Variants in THSD4 observed in about 807,000 individuals in gnomAD.
THSD4 encodes the protein thrombospondin type-1 domain-containing protein 4.
THSD4 carries 69 observed loss-of-function variants against 119.0 expected under a neutral mutation model. That is an observed-to-expected ratio of 0.58 (90% CI 0.48 to 0.71). The LOEUF is 0.71. Ranked by LOEUF, THSD4 falls within the 30% of genes least tolerant of loss-of-function variation. The pLI is 0.00. For missense variants in THSD4, 1,393 were observed against 1,391.1 expected (o/e 1.00, Z -0.02); for synonymous variants, 524 against 540.4 (o/e 0.97, Z 0.42).
chr15:71,105,179 G>A (rs1465201366), intron 1 of THSD4, among the ~76,000 whole-genome samples: 2 of 152,154 alleles, frequency 1.3e-5, no homozygotes, highest in African/African-American at 4.8e-5. Flanking sequence ...CTCTACTTCA[G>A]ATGTCAATCA....
In THSD4 at chr15:71,269,560, C is replaced by T. The variant is rs28870482; in HGVS notation, c.1015+12845C>T. On this transcript the variant is annotated intron_variant, in intron 6 of 17. Transcript: ENST00000261862. ...AGCACAAGACAAGAATGCCCTCTCT[C>T]ACCACTCCTGTTTAACATAGTACTG... Among the ~76,000 whole-genome samples, 1,354 of 152,306 alleles carry T rather than the reference C, an allele frequency of 8.9e-3. 23 individuals carry two copies. The highest frequency in any genetic ancestry group is 0.03 in the African/African-American group (1,240 of 41,556).
At chr15:71,434,477 T>C in intron 7 of THSD4, among the ~76,000 whole-genome samples, 1 of 125,222 alleles carries the variant, frequency 8.0e-6, no homozygotes, top group African/African-American at 3.0e-5. Flanking sequence ...TCTGAAGGGG[T>C]TTAAGGATTG....
chr15:71,630,240 G>A (rs2050598698), intron 7 of THSD4, among the ~76,000 whole-genome samples: 1 of 152,114 alleles, frequency 6.6e-6, no homozygotes, highest in South Asian at 2.1e-4. Flanking sequence ...TAGGCAAATG[G>A]ATGACCACAT....
At chr15:71,484,372 T>G (rs1031937803) in intron 7 of THSD4, among the ~76,000 whole-genome samples, 1 of 152,220 alleles carries the variant, frequency 6.6e-6, no homozygotes, top group Non-Finnish European at 1.5e-5. Flanking sequence ...GGGTCTCTTC[T>G]TACATTGTTT....
intron 2 of THSD4, among the ~76,000 whole-genome samples, chr15:71,145,500 T>G (rs1272316544): frequency 6.6e-6 from 1 of 152,174 alleles, no homozygotes; most frequent in Non-Finnish European, 1.5e-5. Context: ...TGATGCATAC[T>G]TCAGTAAAGT....
chr15:71,190,981 G>T (rs1339056705), intron 3 of THSD4, among the ~76,000 whole-genome samples: 4 of 152,042 alleles, frequency 2.6e-5, no homozygotes, highest in African/African-American at 9.7e-5. Flanking sequence ...TGCTCTTTGT[G>T]GAAGTCACCA....
At chr15:71,392,472 A>G (rs947626797) in intron 6 of THSD4, among the ~76,000 whole-genome samples, 9 of 152,244 alleles carry the variant, frequency 5.9e-5, no homozygotes, top group African/African-American at 2.2e-4. Context: ...ACTCAGATTC[A>G]AACCCAGGTA....
At chr15:71,564,013 T>C (rs2049176587) in intron 7 of THSD4, among the ~76,000 whole-genome samples, 1 of 152,232 alleles carries the variant, frequency 6.6e-6, no homozygotes, top group African/African-American at 2.4e-5. Flanking sequence ...TTTCTTCATT[T>C]TACTTTTGTA....
intron 7 of THSD4, among the ~76,000 whole-genome samples, chr15:71,604,119 G>C (rs372515007): frequency 1.3e-5 from 2 of 152,154 alleles, no homozygotes; most frequent in East Asian, 1.9e-4. Context: ...GAAAACCATG[G>C]GGATAGTGAA....
intron 17 of THSD4, among the ~76,000 whole-genome samples, chr15:71,773,669 A>G (rs2053863728): frequency 6.6e-6 from 1 of 152,238 alleles, no homozygotes; most frequent in Non-Finnish European, 1.5e-5. Flanking sequence ...AGCCAGAGTT[A>G]TGACACACAC....
intron 7 of THSD4, among the ~76,000 whole-genome samples, chr15:71,449,582 A>G (rs2047235130): frequency 6.6e-6 from 1 of 152,206 alleles, no homozygotes; most frequent in Non-Finnish European, 1.5e-5. Flanking sequence ...CTAAAAATAC[A>G]ATCAGCTGTT....
chr15:71,725,970 G>A (rs976127720), intron 8 of THSD4, among the ~76,000 whole-genome samples: 3 of 152,020 alleles, frequency 2.0e-5, no homozygotes, highest in African/African-American at 4.8e-5. Flanking sequence ...TAGCAGAGAC[G>A]GGGTTTCTCC....
intron 7 of THSD4, among the ~76,000 whole-genome samples, chr15:71,539,627 A>C (rs1054682635): frequency 1.3e-5 from 2 of 152,180 alleles, no homozygotes; most frequent in African/African-American, 4.8e-5. Context: ...TTCTCTTTTT[A>C]GGTCACCCAA....
intron 6 of THSD4, among the ~76,000 whole-genome samples, chr15:71,302,939 G>A (rs1316527442): frequency 1.3e-5 from 2 of 152,042 alleles, no homozygotes; most frequent in African/African-American, 4.8e-5. Flanking sequence ...ACTTCCCTGC[G>A]AGTTCTTGGT....
At chr15:71,274,873 CAG>C (rs887080108) in intron 6 of THSD4, among the ~76,000 whole-genome samples, 3 of 152,074 alleles carry the variant, frequency 2.0e-5, no homozygotes, top group African/African-American at 7.2e-5. Flanking sequence ...AGAAAAGCCT[CAG>C]GGTGTATTTC....
intron 7 of THSD4, among the ~76,000 whole-genome samples, chr15:71,522,716 G>A (rs1439533436): frequency 6.6e-6 from 1 of 152,212 alleles, no homozygotes; most frequent in East Asian, 1.9e-4. Context: ...TTGACTTTCT[G>A]TGTGCCTCCT....
chr15:71,571,656 G>T (rs753665633), intron 7 of THSD4, among the ~76,000 whole-genome samples: 1 of 152,178 alleles, frequency 6.6e-6, no homozygotes, highest in African/African-American at 2.4e-5. Flanking sequence ...AGCCCTGCAG[G>T]AGATAGAGCA....
chr15:71,258,608 C>G (rs2044351011), intron 6 of THSD4, among the ~76,000 whole-genome samples: 1 of 152,176 alleles, frequency 6.6e-6, no homozygotes, highest in African/African-American at 2.4e-5. Context: ...GTCTTGAAGG[C>G]ATTGTACTCC....
chr15:71,208,799 A>T (rs2043866319), intron 3 of THSD4, among the ~76,000 whole-genome samples: 1 of 152,080 alleles, frequency 6.6e-6, no homozygotes. Flanking sequence ...GATATGAGCC[A>T]CCGTGCCAGG....
Sources: allele counts gnomAD v4.1 joint callset (sites outside exome capture counted in the v4.1 genomes callset), GRCh38; gene constraint gnomAD v4.1.1; transcripts MANE v1.5; gene names NCBI Gene and HGNC (gene_info 2026-07-23, HGNC 2026-07-21).